Variants in VTA1 observed in about 807,000 individuals in gnomAD.
The protein encoded by VTA1 is vesicle trafficking 1, also known as vacuolar protein sorting-associated protein VTA1 homolog.
In VTA1, 24 loss-of-function variants were observed where a neutral mutation model predicts 36.9. That is an observed-to-expected ratio of 0.65 (90% CI 0.47 to 0.91). VTA1 has a LOEUF of 0.91. VTA1 is among the 40% of genes least tolerant of loss of function. The pLI is 0.00. For missense variants in VTA1, 393 were observed against 377.2 expected (o/e 1.04, Z -0.35); for synonymous variants, 142 against 130.2 (o/e 1.09, Z -0.62).
At chr6:142,203,442 A>G (rs1196583505) in intron 6 of VTA1, among the ~76,000 whole-genome samples, 1 of 152,090 alleles carries the variant, frequency 6.6e-6, no homozygotes, top group Non-Finnish European at 1.5e-5. Context: ...ACTTCAGTAT[A>G]TTCCTTACCA....
intron 4 of VTA1, 145 bp from the exon 5 acceptor site, chr6:142,189,281 T>C: frequency 3.6e-6 from 2 of 561,232 alleles, no homozygotes; most frequent in Non-Finnish European, 6.1e-6. Flanking sequence ...ATTCCAGCAA[T>C]AGGGTGGGGT....
intron 1 of VTA1, among the ~76,000 whole-genome samples, chr6:142,161,594 A>T (rs1195828702): frequency 6.6e-6 from 1 of 152,124 alleles, no homozygotes; most frequent in Non-Finnish European, 1.5e-5. Context: ...AATAATATTT[A>T]TTCATAAAGA....
chr6:142,198,250 G>A (rs375439336), intron 5 of VTA1, among the ~76,000 whole-genome samples, 189 bp from the exon 6 acceptor site: 2 of 150,226 alleles, frequency 1.3e-5, no homozygotes, highest in East Asian at 3.9e-4. Context: ...ATATTGTCAG[G>A]TACAATTACA....
In VTA1 at chr6:142,220,344, G is replaced by C. The variant is rs929916932; in HGVS notation, c.*1701G>C. 2 of 152,120 alleles carry C rather than the reference G, an allele frequency of 1.3e-5. No individual in the cohort carries two copies. The highest frequency in any genetic ancestry group is 2.9e-5 in the Non-Finnish European group (2 of 68,022). The allele number at this position is 152,120 out of a possible 1,614,324, so 9.4% of individuals were successfully genotyped here. On this transcript the variant is annotated 3_prime_UTR_variant, in exon 8 of 8. Transcript: ENST00000367630. ...TATGCCTGGACACTGAAAAGTAAACGCATCACCTCCTATTTTATACCCTAC... is the reference window on the plus strand; with the variant it reads ...TATGCCTGGACACTGAAAAGTAAACCCATCACCTCCTATTTTATACCCTAC...
chr6:142,189,349 G>T (rs1196306406), intron 4 of VTA1, 77 bp from the exon 5 acceptor site: 4 of 1,209,402 alleles, frequency 3.3e-6, no homozygotes, highest in Admixed American at 4.1e-5. Context: ...TCAGAAATAT[G>T]ATATAGGTCA....
chr6:142,213,965 G>GGT (rs1213668068), intron 7 of VTA1, among the ~76,000 whole-genome samples: 2 of 152,134 alleles, frequency 1.3e-5, no homozygotes, highest in Admixed American at 6.5e-5. Context: ...TGCACATTTG[G>GGT]GTGATAGACT....
intron 6 of VTA1, chr6:142,198,861 A>G (rs1164740599): frequency 3.6e-6 from 1 of 274,736 alleles, no homozygotes; most frequent in African/African-American, 2.2e-5. Flanking sequence ...TTTATTAATA[A>G]GATTGGTTTC....
intron 5 of VTA1, among the ~76,000 whole-genome samples, chr6:142,189,949 G>A (rs528803300): frequency 2.7e-4 from 41 of 152,166 alleles, no homozygotes; most frequent in African/African-American, 9.2e-4. Context: ...AGTAGAGACG[G>A]GGTTTCACTG....
intron 7 of VTA1, among the ~76,000 whole-genome samples, chr6:142,210,583 A>G (rs1582905402): frequency 6.6e-6 from 1 of 152,324 alleles, no homozygotes; most frequent in Non-Finnish European, 1.5e-5. Flanking sequence ...ACTCAATAGC[A>G]AAAAACAAAT....
At chr6:142,196,591 C>G (rs1006514700) in intron 5 of VTA1, among the ~76,000 whole-genome samples, 2 of 151,762 alleles carry the variant, frequency 1.3e-5, no homozygotes, top group East Asian at 1.9e-4. Context: ...AGTTTTTCCC[C>G]CCTCTGGTTA....
chr6:142,186,551 G>C (rs866935761), intron 4 of VTA1, among the ~76,000 whole-genome samples: 37 of 152,154 alleles, frequency 2.4e-4, no homozygotes, highest in African/African-American at 8.7e-4. Flanking sequence ...GATTCTTGGT[G>C]AATTAGGTAA....
At chr6:142,158,295 G>C (rs945733267) in intron 1 of VTA1, among the ~76,000 whole-genome samples, 2 of 152,142 alleles carry the variant, frequency 1.3e-5, no homozygotes, top group African/African-American at 2.4e-5. Context: ...GCTGGATGCA[G>C]GGTAAGACTC....
chr6:142,212,734 G>A (rs542277897), intron 7 of VTA1, among the ~76,000 whole-genome samples: 3 of 152,324 alleles, frequency 2.0e-5, no homozygotes, highest in East Asian at 1.9e-4. Flanking sequence ...AGGTGAAGGA[G>A]AAGCAGGCAT....
intron 1 of VTA1, among the ~76,000 whole-genome samples, chr6:142,162,625 A>G (rs1774832507): frequency 2.0e-5 from 3 of 152,266 alleles, no homozygotes; most frequent in African/African-American, 7.2e-5. Context: ...AATGATGACA[A>G]TCTGTCGTCA....
intron 7 of VTA1, among the ~76,000 whole-genome samples, chr6:142,214,591 A>G (rs1242646337): frequency 6.6e-6 from 1 of 152,122 alleles, no homozygotes; most frequent in Non-Finnish European, 1.5e-5. Context: ...ACAAATCCAA[A>G]CCATATCACA....
In VTA1 at chr6:142,223,203, G is replaced by A. The variant is rs1776146695; in HGVS notation, c.*4560G>A. 6.6e-6 allele frequency: 1 copy of A among 152,128 alleles called. No individual in the cohort carries two copies. Among genetic ancestry groups the A allele is most frequent in the African/African-American group, 2.4e-5 (1 of 41,440 alleles). The allele number at this position is 152,128 out of a possible 1,614,324, so 9.4% of individuals were successfully genotyped here. A position where few individuals can be genotyped will look rare whatever the true frequency, so the allele number is the denominator to read the frequency against. On this transcript the variant is annotated 3_prime_UTR_variant, in exon 8 of 8. Coordinates refer to ENST00000367630, the MANE Select transcript of VTA1 (RefSeq NM_016485.5). ...ACACAGGGTATGAACTTGAAAATCTGATTGCACCCTCAATATCTGGAATAT... is the reference window on the plus strand; with the variant it reads ...ACACAGGGTATGAACTTGAAAATCTAATTGCACCCTCAATATCTGGAATAT...
chr6:142,202,143 T>C (rs554892071), intron 6 of VTA1, among the ~76,000 whole-genome samples: 1 of 152,110 alleles, frequency 6.6e-6, no homozygotes, highest in Admixed American at 6.5e-5. Context: ...TCTCAGATTT[T>C]ACATTCTAGC....
At chr6:142,209,053 A>G (rs561039738) in intron 7 of VTA1, among the ~76,000 whole-genome samples, 2 of 152,274 alleles carry the variant, frequency 1.3e-5, no homozygotes, top group African/African-American at 4.8e-5. Context: ...AGTTCATCCA[A>G]ATTGAAAAGG....
chr6:142,164,352 T>A (rs77370456), intron 1 of VTA1, among the ~76,000 whole-genome samples: 1 of 152,126 alleles, frequency 6.6e-6, no homozygotes, highest in Non-Finnish European at 1.5e-5. Flanking sequence ...GGTAGTGCAG[T>A]ATATCTCGGT....
Sources: allele counts gnomAD v4.1 joint callset (sites outside exome capture counted in the v4.1 genomes callset), GRCh38; gene constraint gnomAD v4.1.1; transcripts MANE v1.5; gene names NCBI Gene and HGNC (gene_info 2026-07-23, HGNC 2026-07-21).